The following DLGAP1 variants were observed in gnomAD, a reference collection of about 807,000 sequenced individuals.
The protein encoded by DLGAP1 is disks large-associated protein 1.
Under a neutral mutation model 90.8 loss-of-function variants are expected in DLGAP1, and 11 were observed. That is an observed-to-expected ratio of 0.12 (90% CI 0.08 to 0.20). The LOEUF (loss-of-function observed/expected upper bound fraction) is 0.20, where lower values mean the gene tolerates loss of function less well. Among genes scored for constraint, DLGAP1 ranks in the 10% least tolerant of loss-of-function variants. The pLI, the probability that DLGAP1 is intolerant of heterozygous loss-of-function variation, is 1.00. For synonymous variants in DLGAP1, 558 were observed against 540.7 expected (o/e 1.03, Z -0.44); for missense variants, 1,050 against 1,333.8 (o/e 0.79, Z 3.31).
At chr18:3,673,929 G>A (rs868275638) in intron 7 of DLGAP1, among the ~76,000 whole-genome samples, 7 of 150,766 alleles carry the variant, frequency 4.6e-5, no homozygotes, top group South Asian at 2.1e-4. Context: ...TGCGACCTCC[G>A]CCTCCTGGGT....
At chr18:3,929,167 A>G (rs2072460671) in intron 3 of DLGAP1, among the ~76,000 whole-genome samples, 2 of 152,174 alleles carry the variant, frequency 1.3e-5, no homozygotes, top group South Asian at 2.1e-4. Context: ...CTTTATATCA[A>G]TGTGAGAATA....
chr18:3,557,649 G>A (rs2053834179), intron 9 of DLGAP1, among the ~76,000 whole-genome samples: 1 of 152,286 alleles, frequency 6.6e-6, no homozygotes, highest in Admixed American at 6.5e-5. Flanking sequence ...CTATCCTTCT[G>A]TTGTTGATTT....
chr18:3,563,577 C>A (rs960959352), intron 9 of DLGAP1, among the ~76,000 whole-genome samples: 1 of 151,970 alleles, frequency 6.6e-6, no homozygotes, highest in Admixed American at 6.6e-5. Flanking sequence ...TCAAGCAATT[C>A]TCCTACCTCA....
At chr18:4,284,670 T>C (rs1038635852) in intron 1 of DLGAP1, among the ~76,000 whole-genome samples, 5 of 152,194 alleles carry the variant, frequency 3.3e-5, no homozygotes, top group African/African-American at 1.2e-4. Flanking sequence ...GCTTTCACTA[T>C]GTTACAACTA....
chr18:4,101,563 G>A (rs1568397175), intron 2 of DLGAP1, among the ~76,000 whole-genome samples: 3 of 152,046 alleles, frequency 2.0e-5, no homozygotes, highest in Non-Finnish European at 4.4e-5. Context: ...CTCGCATAAC[G>A]CAGGGTTGCC....
chr18:3,928,394 C>A (rs190915396), intron 3 of DLGAP1, among the ~76,000 whole-genome samples: 61 of 152,064 alleles, frequency 4.0e-4, no homozygotes, highest in African/African-American at 1.4e-3. Context: ...TCATTATGTG[C>A]CTTCAAAATA....
intron 4 of DLGAP1, among the ~76,000 whole-genome samples, chr18:3,825,584 C>G (rs2067666424): frequency 6.6e-6 from 1 of 151,904 alleles, no homozygotes; most frequent in African/African-American, 2.4e-5. Flanking sequence ...GATTTTTTTT[C>G]CAAATATTTT....
intron 3 of DLGAP1, among the ~76,000 whole-genome samples, chr18:3,900,820 C>A (rs916327813): frequency 6.6e-6 from 1 of 151,990 alleles, no homozygotes; most frequent in South Asian, 2.1e-4. Context: ...TATTTGGTTT[C>A]GGGTACTGAT....
chr18:4,362,994 T>G (rs1323111752), intron 1 of DLGAP1, among the ~76,000 whole-genome samples: 1 of 151,916 alleles, frequency 6.6e-6, no homozygotes, highest in East Asian at 1.9e-4. Context: ...CTGGAAGCAA[T>G]GTCGATGGCA....
intron 10 of DLGAP1, among the ~76,000 whole-genome samples, chr18:3,524,399 C>A (rs1225779225): frequency 6.6e-6 from 1 of 151,946 alleles, no homozygotes; most frequent in Non-Finnish European, 1.5e-5. Context: ...GACTGGAGGA[C>A]CTTATGCTAA....
chr18:3,499,025 C>T lies in DLGAP1; in HGVS notation c.*160G>A, dbSNP rs987547977. ...ACGGGAAGTGGGGGGCTGAGGGGGGCCCGGGGGGCGGCTCCTGCGAGGTGG... is the reference window on the plus strand; with the variant it reads ...ACGGGAAGTGGGGGGCTGAGGGGGGTCCGGGGGGCGGCTCCTGCGAGGTGG... On this transcript the variant is annotated 3_prime_UTR_variant, in exon 13 of 13. Coordinates refer to ENST00000315677, the MANE Select transcript of DLGAP1 (RefSeq NM_004746.4). The surrounding 1 kb of genome is among the most constrained non-coding windows in gnomAD (Gnocchi z 6.4). The T allele has an allele frequency of 7.9e-6, 5 of 629,224 alleles. No individual in the cohort carries two copies. Among genetic ancestry groups the T allele is most frequent in the Non-Finnish European group, 1.3e-5 (5 of 380,872 alleles). The allele number at this position is 629,224 out of a possible 1,614,324, so 39.0% of individuals were successfully genotyped here.
chr18:3,707,546 G>T (rs1227341432), intron 7 of DLGAP1, among the ~76,000 whole-genome samples: 1 of 151,714 alleles, frequency 6.6e-6, no homozygotes, highest in Non-Finnish European at 1.5e-5. Context: ...GTTGCAGTGA[G>T]CCGAGATCAC....
In DLGAP1 at chr18:3,676,471, G is replaced by A. The variant is rs143926909; in HGVS notation, c.1591+52664C>T. Reference sequence around the variant, plus strand: ...ACTTCCGCTCCTAAACTCCTCATGAGTGTCCATGTCCTAAATTTTCCTGCC... The same window carrying A: ...ACTTCCGCTCCTAAACTCCTCATGAATGTCCATGTCCTAAATTTTCCTGCC... On this transcript the variant is annotated intron_variant, in intron 7 of 12. Transcript: ENST00000315677. Among the ~76,000 whole-genome samples the A allele has an allele frequency of 1.4e-4, 21 of 152,110 alleles. No homozygotes were observed. In the East Asian group the frequency reaches 4.1e-3, roughly 29 times the overall value.
At chr18:3,762,547 A>G (rs1234592211) in intron 5 of DLGAP1, among the ~76,000 whole-genome samples, 1 of 152,156 alleles carries the variant, frequency 6.6e-6, no homozygotes, top group Non-Finnish European at 1.5e-5. Flanking sequence ...AAATTGCTTC[A>G]TATTCTGACT....
At chr18:4,035,588 C>T (rs1214313816) in intron 2 of DLGAP1, among the ~76,000 whole-genome samples, 2 of 152,070 alleles carry the variant, frequency 1.3e-5, no homozygotes, top group African/African-American at 2.4e-5. Flanking sequence ...GAGAGGAGAT[C>T]GTATACCTTT....
In DLGAP1 at chr18:4,192,410, C is replaced by T. The variant is rs1307007195; in HGVS notation, c.-266-41123G>A. On this transcript the variant is annotated intron_variant, in intron 1 of 12. Transcript: ENST00000315677. ...ACGACTGCAACTCATCCTTCCTCCC[C>T]AAGCAGCCAGCACTTAGAAATAGTA... 5.9e-5 allele frequency among the ~76,000 whole-genome samples: 9 copies of T among 152,248 alleles called. No individual in the cohort carries two copies. In the East Asian group the frequency reaches 1.7e-3, roughly 29 times the overall value.
intron 2 of DLGAP1, among the ~76,000 whole-genome samples, chr18:4,038,698 T>G (rs2074927977): frequency 6.6e-6 from 1 of 152,114 alleles, no homozygotes; most frequent in Admixed American, 6.6e-5. Flanking sequence ...TTCTGGAGTA[T>G]TTTTCCTCTT....
intron 7 of DLGAP1, among the ~76,000 whole-genome samples, chr18:3,611,648 C>T (rs148959917): frequency 6.6e-6 from 1 of 152,218 alleles, no homozygotes; most frequent in African/African-American, 2.4e-5. Flanking sequence ...CATGGCAGAA[C>T]TTACCACGCG....
chr18:3,736,131 G>C (rs1182977229), intron 6 of DLGAP1, among the ~76,000 whole-genome samples: 1 of 152,112 alleles, frequency 6.6e-6, no homozygotes, highest in African/African-American at 2.4e-5. Flanking sequence ...ATGTCTGCGG[G>C]CTTCTAGTTT....
Sources: gnomAD v4.1 joint callset for allele counts (sites outside exome capture counted in the v4.1 genomes callset) on GRCh38, gnomAD v4.1.1 for gene constraint, Gnocchi (gnomAD v3.1) non-coding constraint, MANE v1.5 for transcripts, NCBI Gene and HGNC (gene_info 2026-07-23, HGNC 2026-07-21) for gene names.